Variants in HPN observed in about 807,000 individuals in gnomAD.
The protein encoded by HPN is hepsin, also known as serine protease hepsin.
Under a neutral mutation model 55.9 loss-of-function variants are expected in HPN, and 13 were observed. The observed-to-expected ratio is 0.23, with a 90% CI of 0.15 to 0.37. The LOEUF (loss-of-function observed/expected upper bound fraction) is 0.37. Ranked by LOEUF, HPN falls within the 10% of genes least tolerant of loss-of-function variation. HPN has a pLI of 1.00. For missense variants in HPN, 451 were observed against 575.8 expected, an observed-to-expected ratio of 0.78 and a Z score of 2.22; for synonymous variants, 225 against 240.3, an observed-to-expected ratio of 0.94 and a Z score of 0.59.
intron 4 of HPN, chr19:35,059,295 T>TACAAAACAAAACAAAACAAA (rs112693522): frequency 2.8e-6 from 1 of 361,146 alleles, no homozygotes; most frequent in African/African-American, 2.1e-5. Context: ...GACCCGTCTC[T>TACAAAACAAAACAAAACAAA]ACAAAACAAA....
In HPN at chr19:35,066,414, C is replaced by T; in HGVS notation, c.*127C>T. On this transcript the variant is annotated 3_prime_UTR_variant, in exon 13 of 13. Transcript: ENST00000672452. ...CACAGGTCCAAGGACACCCTCCCTC[C>T]AGGGTCCTCTCTTCCACAGTGGCGG... is the stretch of plus-strand genomic sequence containing the variant. 2 of 1,312,128 alleles carry T rather than the reference C, an allele frequency of 1.5e-6. No homozygotes were observed. Among genetic ancestry groups the T allele is most frequent in the Non-Finnish European group, 2.1e-6 (2 of 956,104 alleles). 81.3% of individuals were successfully genotyped at this position (1,312,128 alleles called of 1,614,324 possible). A position where few individuals can be genotyped will look rare whatever the true frequency, so the allele number is the denominator to read the frequency against.
rs190697743 is a variant in HPN, at chr19:35,049,045, C to T, written c.17-245C>T. On this transcript the variant is annotated intron_variant, in intron 2 of 12. Coordinates refer to ENST00000672452, the MANE Select transcript of HPN (RefSeq NM_001384133.1). ...GAAAGTGCAGGGCGGAGGTGGAGAC[C>T]GTGGCAGGTGGCCCGGCCATGCCCC... Among the ~76,000 whole-genome samples, 8 of 152,292 alleles carry T rather than the reference C, an allele frequency of 5.3e-5. No homozygotes were observed. In the East Asian group the frequency reaches 5.8e-4, roughly 11 times the overall value.
Position 35,060,183 on chromosome 19 carries a change from A to ACT in HPN, c.454+16_454+17dup. 6.2e-7 allele frequency: 1 copy of ACT among 1,613,710 alleles called. No homozygotes were observed. On this transcript the variant is annotated intron_variant, in intron 7 of 12. Coordinates refer to ENST00000672452, the MANE Select transcript of HPN (RefSeq NM_001384133.1). ...CCATCTGCCAAGGTGAGATCCTAAA[A>ACT]CTCAGAACCCTCTCCTTTAGGCCCT... is the stretch of plus-strand genomic sequence containing the variant.
At position 35,060,520 on chromosome 19, in the gene HPN, C is replaced by T. The variant is rs1166222671; in HGVS notation, c.620+8C>T. 1.2e-6 allele frequency: 2 copies of T among 1,611,970 alleles called. No homozygotes were observed. The highest frequency in any genetic ancestry group is 1.7e-6 in the Non-Finnish European group (2 of 1,179,464). ...CGCCCACTGCTTCCCGGAGTGAGTGCCCCCCAATGGCGCTGATGATGGGGA... is the reference window on the plus strand; with the variant it reads ...CGCCCACTGCTTCCCGGAGTGAGTGTCCCCCAATGGCGCTGATGATGGGGA... On this transcript the variant is annotated splice_region_variant and intron_variant, in intron 8 of 12. Transcript: ENST00000672452.
At chr19:35,047,425 C>G (rs931882033) in intron 2 of HPN, among the ~76,000 whole-genome samples, 2 of 152,214 alleles carry the variant, frequency 1.3e-5, no homozygotes, top group African/African-American at 4.8e-5. Flanking sequence ...AGGGGAGGCC[C>G]TGTGATCCCT....
At chr19:35,042,189 C>T (rs1005637561) in intron 1 of HPN, 121 of 1,237,808 alleles carry the variant, frequency 9.8e-5, no homozygotes, top group Non-Finnish European at 1.1e-4. Context: ...CTGTCTCCTC[C>T]CTCAAACCGG....
intron 4 of HPN, among the ~76,000 whole-genome samples, chr19:35,050,772 A>C (rs939129284): frequency 6.6e-6 from 1 of 152,196 alleles, no homozygotes; most frequent in African/African-American, 2.4e-5. Context: ...AGAAAAGCCA[A>C]CATCAACATT....
chr19:35,055,311 C>T (rs1453115151), intron 4 of HPN, among the ~76,000 whole-genome samples: 3 of 151,572 alleles, frequency 2.0e-5, no homozygotes, highest in Non-Finnish European at 4.4e-5. Context: ...GCGGGAGGAT[C>T]GTTTGAGCCC....
Position 35,041,792 on chromosome 19 carries a change from A to G in HPN, c.-135A>G, listed in dbSNP as rs2064296323. On this transcript the variant is annotated 5_prime_UTR_variant, in exon 1 of 13. Transcript: ENST00000672452. Reference sequence around the variant, plus strand: ...CCAGGCCGCCCGCTGCTGCGGGGCCACCATGCTCCTGCCCAGGCCTGGAGA... The same window carrying G: ...CCAGGCCGCCCGCTGCTGCGGGGCCGCCATGCTCCTGCCCAGGCCTGGAGA... The G allele has an allele frequency of 7.5e-7, 1 of 1,326,320 alleles. No individual in the cohort carries two copies. The highest frequency in any genetic ancestry group is 9.9e-7 in the Non-Finnish European group (1 of 1,011,366). 82.2% of individuals were successfully genotyped at this position (1,326,320 alleles called of 1,614,324 possible). A position where few individuals can be genotyped will look rare whatever the true frequency, so the allele number is the denominator to read the frequency against.
intron 1 of HPN, 23 bp from the exon 2 acceptor site, chr19:35,042,430 C>T: frequency 1.3e-6 from 2 of 1,549,616 alleles, no homozygotes; most frequent in Admixed American, 3.9e-5. Flanking sequence ...CCAGGCCCTG[C>T]CTCCCCGTCC....
At position 35,045,700 on chromosome 19, in the gene HPN, C is replaced by G. The variant is rs140534530; in HGVS notation, c.16+3178C>G. ...GGAGGATGAGGATGCGTCCCACACCCTGGGCCAGATGAGGATGCTGCCTGT... is the reference window on the plus strand; with the variant it reads ...GGAGGATGAGGATGCGTCCCACACCGTGGGCCAGATGAGGATGCTGCCTGT... On this transcript the variant is annotated intron_variant, in intron 2 of 12. Coordinates refer to ENST00000672452, the MANE Select transcript of HPN (RefSeq NM_001384133.1). Among the ~76,000 whole-genome samples, 766 of 124,432 alleles carry G rather than the reference C, an allele frequency of 6.2e-3. 51 individuals are homozygous for G. The highest frequency in any genetic ancestry group is 0.032 in the South Asian group (112 of 3,488). The allele number at this position is 124,432 out of a possible 152,430, so 81.6% of individuals were successfully genotyped here.
intron 9 of HPN, 49 bp from the exon 10 acceptor site, chr19:35,065,201 C>T (rs766868688): frequency 2.2e-6 from 3 of 1,354,784 alleles, no homozygotes; most frequent in African/African-American, 1.4e-5. Context: ...AGGTTTGTAC[C>T]AGGTGGGGCA....
At chr19:35,056,581 C>T (rs1161579129) in intron 4 of HPN, among the ~76,000 whole-genome samples, 3 of 152,174 alleles carry the variant, frequency 2.0e-5, no homozygotes, top group Admixed American at 2.0e-4. Flanking sequence ...TGAACAGTCT[C>T]CCGGGAGCTC....
At chr19:35,042,031 T>G in intron 1 of HPN, 159 bp downstream of exon 1, 2 of 1,157,040 alleles carry the variant, frequency 1.7e-6, no homozygotes, top group Non-Finnish European at 2.2e-6. Context: ...TGTTCTGTCC[T>G]GCTCTTCCTT....
chr19:35,058,156 AAAAT>A (rs1261905153), intron 4 of HPN, among the ~76,000 whole-genome samples: 1 of 151,942 alleles, frequency 6.6e-6, no homozygotes, highest in African/African-American at 2.4e-5. Flanking sequence ...CCGTCTCAAA[AAAAT>A]AAATAAATAA....
Position 35,060,367 on chromosome 19 carries a change from C to A in HPN, c.475C>A (p.Pro159Thr), listed in dbSNP as rs765556620. 6.2e-7 allele frequency: 1 copy of A among 1,612,092 alleles called. No homozygotes were observed. The highest frequency in any genetic ancestry group is 8.5e-7 in the Non-Finnish European group (1 of 1,179,876). ...ICQDCGRRKL[P>T]VDRIVGGRDT... is the part of the protein sequence containing the mutation. ...CACAGACTGTGGCCGCAGGAAGCTG[C>A]CCGTGGACCGCATCGTGGGAGGCCG... The change falls in exon 8 of 13, where the codon CCC (proline) becomes ACC (threonine). Residue 159 changes from proline (P) to threonine (T), a missense_variant. Physicochemically the swap from Pro to Thr is conservative, Grantham distance 38. Coordinates refer to ENST00000672452, the MANE Select transcript of HPN (RefSeq NM_001384133.1).
intron 2 of HPN, among the ~76,000 whole-genome samples, chr19:35,044,940 A>G (rs1280168347): frequency 6.6e-6 from 1 of 151,978 alleles, no homozygotes; most frequent in Non-Finnish European, 1.5e-5. Flanking sequence ...AGAGTCACTC[A>G]GGAGGATTGG....
At chr19:35,049,978 A>G (rs12461158) in intron 4 of HPN, among the ~76,000 whole-genome samples, 113,293 of 151,788 alleles carry the variant, frequency 0.75, 42,407 homozygotes, top group East Asian at 0.85. Flanking sequence ...TGAGCAATGC[A>G]GCAGTTTGCC....
intron 9 of HPN, among the ~76,000 whole-genome samples, chr19:35,063,372 G>A (rs1354994614): frequency 6.6e-6 from 1 of 152,220 alleles, no homozygotes; most frequent in African/African-American, 2.4e-5. Context: ...ATGATCTGTG[G>A]TACTGGTTTC....
Sources: gnomAD v4.1 joint callset for allele counts (sites outside exome capture counted in the v4.1 genomes callset) on GRCh38, gnomAD v4.1.1 for gene constraint, MANE v1.5 for transcripts, NCBI Gene and HGNC (gene_info 2026-07-23, HGNC 2026-07-21) for gene names.